The following KCNK2 variants were observed in gnomAD, a reference collection of about 807,000 sequenced individuals.
KCNK2 encodes potassium channel subfamily K member 2.
KCNK2 carries 21 observed loss-of-function variants against 40.5 expected under a neutral mutation model. That is an observed-to-expected ratio of 0.52 (90% confidence interval 0.37 to 0.75). The LOEUF (loss-of-function observed/expected upper bound fraction) is 0.75. Among genes scored for constraint, KCNK2 ranks in the 30% least tolerant of loss-of-function variants. KCNK2 has a pLI of 0.00. For missense variants in KCNK2, 399 were observed against 531.6 expected (o/e 0.75, Z 2.45); for synonymous variants, 191 against 202.2 (o/e 0.94, Z 0.47).
chr1:215,195,048 A>T lies in KCNK2; in HGVS notation c.919A>T (p.Ile307Phe). Residue 307 changes from isoleucine (I) to phenylalanine (F), a missense_variant, in exon 6 of 7, where the codon ATT (isoleucine) becomes TTT (phenylalanine). Ile to Phe is a conservative substitution (Grantham distance 21, BLOSUM62 0). Transcript: ENST00000444842. ...TTACTTTGCTGCTGTCCTGAGCATGATTGGAGATTGGCTCCGAGTGATATC... is the reference window on the plus strand; with the variant it reads ...TTACTTTGCTGCTGTCCTGAGCATGTTTGGAGATTGGCTCCGAGTGATATC... Reference protein sequence around the residue: ...LAYFAAVLSMIGDWLRVISKK... With the variant: ...LAYFAAVLSMFGDWLRVISKK... 1 of 1,612,524 alleles carries T rather than the reference A, an allele frequency of 6.2e-7. No homozygotes were observed. Among genetic ancestry groups the T allele is most frequent in the Non-Finnish European group, 8.5e-7 (1 of 1,179,088 alleles).
chr1:215,152,272 G>T (rs1662718680), intron 3 of KCNK2, among the ~76,000 whole-genome samples: 1 of 152,026 alleles, frequency 6.6e-6, no homozygotes, highest in Non-Finnish European at 1.5e-5. Context: ...TATGATGGAG[G>T]TAGAGAAAAT....
At chr1:215,026,587 C>A (rs987531570) in intron 1 of KCNK2, among the ~76,000 whole-genome samples, 3 of 151,988 alleles carry the variant, frequency 2.0e-5, no homozygotes, top group African/African-American at 7.2e-5. Context: ...TTTCTGGATT[C>A]TCTCTCTGTT....
chr1:215,020,452 G>T (rs1455505118), intron 1 of KCNK2, among the ~76,000 whole-genome samples: 2 of 152,100 alleles, frequency 1.3e-5, no homozygotes, highest in Non-Finnish European at 2.9e-5. Flanking sequence ...TTGACACAGG[G>T]TCTGGCTGTG....
intron 1 of KCNK2, among the ~76,000 whole-genome samples, chr1:215,022,696 C>G (rs1358843643): frequency 2.6e-5 from 4 of 152,096 alleles, no homozygotes; most frequent in Non-Finnish European, 5.9e-5. Context: ...CTAACTTGGC[C>G]TATGGTTTGG....
chr1:215,171,941 T>G, intron 4 of KCNK2, 56 bp from the exon 5 acceptor site: 3 of 1,000,432 alleles, frequency 3.0e-6, no homozygotes, highest in Non-Finnish European at 4.2e-6. Flanking sequence ...TCTCTCTCTC[T>G]CCCCCCATTT....
chr1:215,219,068 A>G (rs547059273), intron 6 of KCNK2, among the ~76,000 whole-genome samples: 15 of 152,196 alleles, frequency 9.9e-5, no homozygotes, highest in African/African-American at 3.6e-4. Context: ...CATGCAGTTT[A>G]TTTTGATGAT....
intron 3 of KCNK2, among the ~76,000 whole-genome samples, chr1:215,168,064 A>C (rs562944573): frequency 6.6e-6 from 1 of 152,218 alleles, no homozygotes; most frequent in Non-Finnish European, 1.5e-5. Flanking sequence ...ATATGAACAG[A>C]CACTTCTCAA....
chr1:215,116,513 A>C (rs1465350815), intron 2 of KCNK2, among the ~76,000 whole-genome samples: 1 of 152,060 alleles, frequency 6.6e-6, no homozygotes, highest in Non-Finnish European at 1.5e-5. Context: ...TTGGATTTTA[A>C]GCTTTTGTTT....
At chr1:215,042,213 A>T (rs923352503) in intron 1 of KCNK2, among the ~76,000 whole-genome samples, 1 of 152,180 alleles carries the variant, frequency 6.6e-6, no homozygotes, top group Non-Finnish European at 1.5e-5. Flanking sequence ...AAAGACACAG[A>T]TAGGACATAA....
chr1:215,023,199 T>C (rs1390012894), intron 1 of KCNK2, among the ~76,000 whole-genome samples: 1 of 152,196 alleles, frequency 6.6e-6, no homozygotes, highest in Non-Finnish European at 1.5e-5. Context: ...TCTCTAAGGC[T>C]TGTTATTATT....
chr1:215,083,211 C>G lies in KCNK2; in HGVS notation c.-175C>G. On this transcript the variant is annotated 5_prime_UTR_variant, in exon 1 of 7. Transcript: ENST00000444842. ...TCTCACGCTCCCCCCCCCGCCCCCT[C>G]CCGCGTCCAGCCCCGCTCTCCCCAC... 7.7e-7 allele frequency: 1 copy of G among 1,292,474 alleles called. No individual in the cohort carries two copies. The highest frequency in any genetic ancestry group is 2.8e-5 in the East Asian group (1 of 36,202). The allele number at this position is 1,292,474 out of a possible 1,614,324, so 80.1% of individuals were successfully genotyped here.
At chr1:215,218,126 C>G (rs1354474524) in intron 6 of KCNK2, among the ~76,000 whole-genome samples, 1 of 152,160 alleles carries the variant, frequency 6.6e-6, no homozygotes, top group African/African-American at 2.4e-5. Context: ...GACCAAATGT[C>G]TGCAAGACTT....
chr1:215,164,508 A>C (rs1038082242), intron 3 of KCNK2, among the ~76,000 whole-genome samples: 6 of 152,024 alleles, frequency 3.9e-5, no homozygotes, highest in Non-Finnish European at 8.8e-5. Flanking sequence ...TTGTGATGTT[A>C]GGGTGTTGAT....
At chr1:215,123,456 G>A (rs1295887399) in intron 2 of KCNK2, among the ~76,000 whole-genome samples, 1 of 150,798 alleles carries the variant, frequency 6.6e-6, no homozygotes, top group East Asian at 1.9e-4. Context: ...TAAAAGCAAT[G>A]TAATTTAATT....
rs1269182048 is a variant in KCNK2, at chr1:215,210,026, T to TTATATATAATATATATAA, written c.963+14943_963+14960dup. ...TATTATATATAATATATAATATATA[T>TTATATATAATATATATAA]TATATATAATATATATAATATATAT... On this transcript the variant is annotated intron_variant, in intron 6 of 6. Transcript: ENST00000444842. 2.7e-4 allele frequency among the ~76,000 whole-genome samples: 13 copies of TTATATATAATATATATAA among 48,472 alleles called. 1 individual carries two copies. The South Asian group carries it at 6.8e-3, about 25-fold the overall frequency. 31.8% of individuals were successfully genotyped at this position (48,472 alleles called of 152,430 possible). A position where few individuals can be genotyped will look rare whatever the true frequency, so the allele number is the denominator to read the frequency against.
intron 6 of KCNK2, among the ~76,000 whole-genome samples, chr1:215,207,028 T>C (rs1665341011): frequency 6.6e-6 from 1 of 152,142 alleles, no homozygotes; most frequent in African/African-American, 2.4e-5. Flanking sequence ...AAATTCATTC[T>C]ATTGGATATC....
intron 2 of KCNK2, among the ~76,000 whole-genome samples, chr1:215,117,680 C>A (rs910050817): frequency 6.6e-6 from 1 of 152,084 alleles, no homozygotes; most frequent in South Asian, 2.1e-4. Context: ...ATGGAATATT[C>A]TTGAAGAGCA....
intron 5 of KCNK2, among the ~76,000 whole-genome samples, chr1:215,183,583 A>T (rs1018913872): frequency 6.6e-6 from 1 of 152,086 alleles, no homozygotes; most frequent in Non-Finnish European, 1.5e-5. Context: ...CACTATTACT[A>T]TTGTTCTAAC....
At chr1:215,010,406 C>T (rs1271028700) in intron 1 of KCNK2, among the ~76,000 whole-genome samples, 1 of 152,140 alleles carries the variant, frequency 6.6e-6, no homozygotes, top group East Asian at 1.9e-4. Context: ...AAGAGGAAAT[C>T]GTAGAATAGA....
Sources: allele counts gnomAD v4.1 joint callset (sites outside exome capture counted in the v4.1 genomes callset), GRCh38; gene constraint gnomAD v4.1.1; transcripts MANE v1.5; gene names NCBI Gene and HGNC (gene_info 2026-07-23, HGNC 2026-07-21).